The following RECK variants were observed in gnomAD, a reference collection of about 807,000 sequenced individuals.
RECK encodes reversion inducing cysteine rich protein with kazal motifs.
Under a neutral mutation model 115.1 loss-of-function variants are expected in RECK, and 69 were observed. The observed-to-expected ratio is 0.60, with a 90% CI of 0.49 to 0.73. The LOEUF (loss-of-function observed/expected upper bound fraction) is 0.73, where lower values mean the gene tolerates loss of function less well. RECK is among the 30% of genes least tolerant of loss of function. RECK has a pLI of 0.00. For synonymous variants in RECK, 414 were observed against 419.7 expected (o/e 0.99, Z 0.17); for missense variants, 1,047 against 1,203.7 (o/e 0.87, Z 1.93).
At chr9:36,050,752 C>T (rs1821254462) in intron 1 of RECK, among the ~76,000 whole-genome samples, 1 of 152,126 alleles carries the variant, frequency 6.6e-6, no homozygotes, top group South Asian at 2.1e-4. Flanking sequence ...TCTTTTCTAG[C>T]CACACTCTTT....
chr9:36,114,593 G>A (rs1444817535), intron 16 of RECK, among the ~76,000 whole-genome samples: 4 of 152,144 alleles, frequency 2.6e-5, no homozygotes, highest in African/African-American at 7.2e-5. Flanking sequence ...TAGCTCACAC[G>A]TGTATTCCCA....
intron 7 of RECK, among the ~76,000 whole-genome samples, chr9:36,083,154 A>G (rs1822797212): frequency 6.6e-6 from 1 of 152,152 alleles, no homozygotes; most frequent in Non-Finnish European, 1.5e-5. Flanking sequence ...TATAGACTGT[A>G]AGTTGATGAT....
intron 2 of RECK, 131 bp from the exon 3 acceptor site, chr9:36,058,692 AAAAT>A (rs528387052): frequency 2.3e-3 from 571 of 249,232 alleles, no homozygotes; most frequent in African/African-American, 4.2e-3. Context: ...TAAAAATTTA[AAAAT>A]AAATAAATAA....
chr9:36,107,529 C>T (rs1017401373), intron 13 of RECK, among the ~76,000 whole-genome samples: 7 of 149,440 alleles, frequency 4.7e-5, no homozygotes, highest in Non-Finnish European at 1.0e-4. Context: ...CACTTGAACC[C>T]GAGAGGCAGA....
chr9:36,043,406 A>G (rs2132548970), intron 1 of RECK, among the ~76,000 whole-genome samples: 1 of 151,528 alleles, frequency 6.6e-6, no homozygotes, highest in Non-Finnish European at 1.5e-5. Flanking sequence ...TTCCTTGTAG[A>G]TTCTGGATAT....
intron 6 of RECK, among the ~76,000 whole-genome samples, chr9:36,077,712 A>G (rs191030771): frequency 6.6e-6 from 1 of 152,354 alleles, no homozygotes; most frequent in East Asian, 1.9e-4. Context: ...ATTAATGAAC[A>G]TCAAGAGAAA....
At chr9:36,106,948 C>CA (rs1011875627) in intron 13 of RECK, among the ~76,000 whole-genome samples, 1 of 150,762 alleles carries the variant, frequency 6.6e-6, no homozygotes, top group Non-Finnish European at 1.5e-5. Flanking sequence ...ACTAATAATA[C>CA]AAAAAAAATT....
At chr9:36,119,293 A>G (rs4879955) in intron 18 of RECK, among the ~76,000 whole-genome samples, 150,431 of 152,324 alleles carry the variant, frequency 0.99, 74,318 homozygotes, top group Middle Eastern at 1. Context: ...TACTTATTAC[A>G]AAGTTAACAA....
intron 10 of RECK, among the ~76,000 whole-genome samples, chr9:36,095,589 A>G (rs1016669259): frequency 6.6e-6 from 1 of 152,194 alleles, no homozygotes; most frequent in Non-Finnish European, 1.5e-5. Flanking sequence ...AATTCAATTC[A>G]AGTATAGGAA....
At chr9:36,080,663 A>C (rs1445100223) in intron 7 of RECK, 25 bp downstream of exon 7, 1 of 1,604,334 alleles carries the variant, frequency 6.2e-7, no homozygotes, top group East Asian at 2.2e-5. Flanking sequence ...CAATGGTTGT[A>C]CAAACAGTCC....
intron 14 of RECK, among the ~76,000 whole-genome samples, chr9:36,108,476 C>A (rs1361011983): frequency 6.6e-6 from 1 of 152,090 alleles, no homozygotes; most frequent in African/African-American, 2.4e-5. Context: ...AATAATAATA[C>A]CTGTATTACC....
intron 4 of RECK, among the ~76,000 whole-genome samples, chr9:36,061,758 T>G (rs1821776598): frequency 6.6e-6 from 1 of 152,202 alleles, no homozygotes; most frequent in Non-Finnish European, 1.5e-5. Context: ...TGAGGCTAGA[T>G]GTGAATTTGT....
intron 1 of RECK, among the ~76,000 whole-genome samples, chr9:36,044,417 G>A (rs370689341): frequency 2.0e-5 from 3 of 151,958 alleles, no homozygotes; most frequent in Non-Finnish European, 2.9e-5. Flanking sequence ...TCATATGATC[G>A]GCAAACAGCA....
At chr9:36,038,379 G>A (rs1253867226) in intron 1 of RECK, among the ~76,000 whole-genome samples, 1 of 152,132 alleles carries the variant, frequency 6.6e-6, no homozygotes, top group Non-Finnish European at 1.5e-5. Flanking sequence ...AAGAATAAAA[G>A]AGAAAATGCT....
At chr9:36,116,897 C>A in intron 16 of RECK, 88 bp from the exon 17 acceptor site, 1 of 1,048,766 alleles carries the variant, frequency 9.5e-7, no homozygotes, top group African/African-American at 1.6e-5. Flanking sequence ...GCTCTCTCTT[C>A]AGCCTCCTAT....
chr9:36,041,937 T>C lies in RECK; in HGVS notation c.100+4839T>C, dbSNP rs146696318. Among the ~76,000 whole-genome samples the C allele has an allele frequency of 2.1e-4, 32 of 152,260 alleles. No homozygotes were observed. In the East Asian group the frequency reaches 6.2e-3, roughly 29 times the overall value. ...TTTATCTTTTGATTTAAAAATCATA[T>C]GATGTTTTCTAAATTATAGGTGAGT... is the stretch of plus-strand genomic sequence containing the variant. On this transcript the variant is annotated intron_variant, in intron 1 of 20. Transcript: ENST00000377966.
Position 36,105,184 on chromosome 9 carries a change from C to A in RECK, c.1477C>A (p.Pro493Thr). The A allele has an allele frequency of 6.2e-7, 1 of 1,614,070 alleles. No homozygotes were observed. The highest frequency in any genetic ancestry group is 8.5e-7 in the Non-Finnish European group (1 of 1,179,966). The change falls in exon 13 of 21, where the codon CCC (proline) becomes ACC (threonine). Residue 493 changes from proline (P) to threonine (T), a missense_variant. Pro to Thr is a conservative substitution (Grantham distance 38). Coordinates refer to ENST00000377966, the MANE Select transcript of RECK (RefSeq NM_021111.3). The part of the protein sequence containing the change: ...LGNIVEEVTH[P>T]CNPNPCPANE... ...TAACATTGTAGAAGAAGTGACTCAT[C>A]CCTGTAACCCAAATCCTTGCCCTGC...
At chr9:36,079,548 G>A (rs985554478) in intron 6 of RECK, among the ~76,000 whole-genome samples, 2 of 152,144 alleles carry the variant, frequency 1.3e-5, no homozygotes, top group Non-Finnish European at 2.9e-5. Context: ...CAGAGAAAAT[G>A]AATGAATACA....
chr9:36,115,513 C>T (rs1183588469), intron 16 of RECK, among the ~76,000 whole-genome samples: 1 of 151,916 alleles, frequency 6.6e-6, no homozygotes, highest in African/African-American at 2.4e-5. Context: ...TTTCCATATA[C>T]TCAAATTGAT....
Sources: allele counts gnomAD v4.1 joint callset (sites outside exome capture counted in the v4.1 genomes callset), GRCh38; gene constraint gnomAD v4.1.1; transcripts MANE v1.5; gene names NCBI Gene and HGNC (gene_info 2026-07-23, HGNC 2026-07-21).